The following SLC22A23 variants were observed in gnomAD, a reference collection of about 807,000 sequenced individuals.
SLC22A23 encodes the protein ion transporter protein.
Under a neutral mutation model 61.0 loss-of-function variants are expected in SLC22A23, and 26 were observed. The observed-to-expected ratio is 0.43, with a 90% confidence interval of 0.31 to 0.59. The LOEUF (loss-of-function observed/expected upper bound fraction) is 0.59. SLC22A23 is among the 20% of genes least tolerant of loss of function. The pLI, the probability that SLC22A23 is intolerant of heterozygous loss-of-function variation, is 0.11. For missense variants in SLC22A23, 796 were observed against 934.7 expected (o/e 0.85, Z 1.94); for synonymous variants, 430 against 413.9 (o/e 1.04, Z -0.47).
At chr6:3,361,557 C>T (rs780759083) in intron 3 of SLC22A23, among the ~76,000 whole-genome samples, 2 of 152,188 alleles carry the variant, frequency 1.3e-5, no homozygotes, top group African/African-American at 4.8e-5. Context: ...CTCTGGGGTT[C>T]GACTCTCCAG....
chr6:3,312,888 C>A (rs1318231453), intron 4 of SLC22A23: 3 of 152,232 alleles, frequency 2.0e-5, no homozygotes, highest in Non-Finnish European at 4.4e-5. Context: ...CTGCGCTCTG[C>A]CTGTTTGAAA....
chr6:3,343,860 G>A (rs1051032463), intron 3 of SLC22A23, among the ~76,000 whole-genome samples: 3 of 152,204 alleles, frequency 2.0e-5, no homozygotes, highest in Non-Finnish European at 2.9e-5. Flanking sequence ...TGGGAAAGAA[G>A]ACAGAAGGCA....
intron 4 of SLC22A23, 83 bp from the exon 5 acceptor site, chr6:3,298,301 C>T: frequency 6.7e-7 from 1 of 1,484,696 alleles, no homozygotes; most frequent in South Asian, 1.3e-5. Context: ...GGCCCGGGAG[C>T]TTCCCAGGCA....
In SLC22A23 at chr6:3,390,195, T is replaced by A. The variant is rs1767577383; in HGVS notation, c.913+19993A>T. On this transcript the variant is annotated intron_variant, in intron 3 of 9. Transcript: ENST00000406686. The surrounding 1 kb of genome is among the most constrained non-coding windows in gnomAD (Gnocchi z 4.0). The stretch of plus-strand genomic sequence containing the variant: ...CATAACCTCCAGGCCTATGTTAAAC[T>A]TCACATCCAATGACACCGAGGAGGA... 6.6e-6 allele frequency among the ~76,000 whole-genome samples: 1 copy of A among 152,056 alleles called. No individual in the cohort carries two copies. Among genetic ancestry groups the A allele is most frequent in the Non-Finnish European group, 1.5e-5 (1 of 68,006 alleles).
At chr6:3,395,007 C>T (rs997550133) in intron 3 of SLC22A23, among the ~76,000 whole-genome samples, 3 of 152,136 alleles carry the variant, frequency 2.0e-5, no homozygotes, top group Admixed American at 6.5e-5. Flanking sequence ...AGGTATGAGG[C>T]AGGGAGGACG....
At chr6:3,438,416 G>A (rs13208786) in intron 1 of SLC22A23, 64,905 of 430,096 alleles carry the variant, frequency 0.15, 5,403 homozygotes, top group Non-Finnish European at 0.18. Flanking sequence ...GATCCATCAG[G>A]CTTGCTGCCT....
chr6:3,438,523 C>T (rs756700417), intron 1 of SLC22A23: 34 of 456,586 alleles, frequency 7.4e-5, no homozygotes, highest in African/African-American at 4.6e-4. Flanking sequence ...CTGTGTCCCA[C>T]GGGAGAGCTC....
rs1212740790 is a variant in SLC22A23 at position 3,454,220 on chromosome 6, C to T, written c.654+1686G>A. On this transcript the variant is annotated intron_variant, in intron 1 of 9. Coordinates refer to ENST00000406686, the MANE Select transcript of SLC22A23 (RefSeq NM_015482.2). This position sits in a 1 kb window ranked among gnomAD's most constrained non-coding sequence, Gnocchi z 4.3. ...ACATGAGGGCTGTCTGTGACCCTCT[C>T]GAATGCTAATTTAGAAAAACTGCCC... 6.6e-6 allele frequency among the ~76,000 whole-genome samples: 1 copy of T among 152,168 alleles called. No homozygotes were observed. The highest frequency in any genetic ancestry group is 1.5e-5 in the Non-Finnish European group (1 of 68,032).
intron 5 of SLC22A23, 60 bp downstream of exon 5, chr6:3,298,031 G>T: frequency 6.9e-7 from 1 of 1,439,016 alleles, no homozygotes. Context: ...AACCAGCCCA[G>T]GTGTCAGGGA....
intron 3 of SLC22A23, among the ~76,000 whole-genome samples, chr6:3,332,314 C>T (rs1160897600): frequency 6.6e-6 from 1 of 152,056 alleles, no homozygotes. Flanking sequence ...GAATAGATCT[C>T]AATACCAGTT....
chr6:3,410,291 A>C lies in SLC22A23; in HGVS notation c.810T>G (p.Phe270Leu). The C allele has an allele frequency of 6.2e-7, 1 of 1,613,904 alleles. No homozygotes were observed. Among genetic ancestry groups the C allele is most frequent in the Non-Finnish European group, 8.5e-7 (1 of 1,179,924 alleles). The change falls in exon 3 of 10, where the codon TTT becomes TTG. Residue 270 changes from phenylalanine to leucine, a missense_variant. Coordinates refer to ENST00000406686, the MANE Select transcript of SLC22A23 (RefSeq NM_015482.2). The surrounding 1 kb of genome is among the most constrained non-coding windows in gnomAD (Gnocchi z 5.0). ...TCACTGACAGTGCCACAGTCAGTCC[A>C]AAGATCAGAATGAAGATGATGGAAA... ...LLFSIIFILI[F>L]GLTVALSVNV...
At chr6:3,396,715 G>A (rs924825551) in intron 3 of SLC22A23, among the ~76,000 whole-genome samples, 3 of 152,344 alleles carry the variant, frequency 2.0e-5, no homozygotes, top group South Asian at 2.1e-4. Flanking sequence ...GCAGGCCATC[G>A]ACCAGCAGAA....
intron 1 of SLC22A23, among the ~76,000 whole-genome samples, chr6:3,449,731 C>T (rs1772079095): frequency 6.6e-6 from 1 of 152,138 alleles, no homozygotes; most frequent in East Asian, 1.9e-4. Context: ...TTGTGCATAG[C>T]TAAGATTTCT....
intron 1 of SLC22A23, chr6:3,439,190 C>G (rs1308258398): frequency 8.4e-6 from 3 of 356,496 alleles, no homozygotes; most frequent in Non-Finnish European, 1.1e-5. Context: ...CCTGCCTCTA[C>G]CCACCAGGCG....
intron 9 of SLC22A23, chr6:3,283,444 G>A (rs748641061): frequency 2.2e-5 from 6 of 269,682 alleles, no homozygotes; most frequent in Non-Finnish European, 4.5e-5. Flanking sequence ...GGGAGGGCCG[G>A]GGGGTAGGCT....
intron 1 of SLC22A23, among the ~76,000 whole-genome samples, chr6:3,446,017 TAAG>T (rs1478712914): frequency 6.6e-6 from 1 of 152,162 alleles, no homozygotes; most frequent in African/African-American, 2.4e-5. Context: ...TAGCCGGGAC[TAAG>T]AAGACAGAGA....
intron 1 of SLC22A23, among the ~76,000 whole-genome samples, chr6:3,448,836 A>G (rs116265223): frequency 0.014 from 2,067 of 152,294 alleles, 19 homozygotes; most frequent in African/African-American, 0.019. Context: ...ACTCAATCCT[A>G]TCTTGGACTA....
intron 3 of SLC22A23, among the ~76,000 whole-genome samples, chr6:3,357,885 G>A (rs760328034): frequency 6.6e-6 from 1 of 152,176 alleles, no homozygotes; most frequent in Non-Finnish European, 1.5e-5. Flanking sequence ...AAAGGGACGA[G>A]GCCTGGGGAA....
At chr6:3,285,848 C>T (rs1372346326) in intron 7 of SLC22A23, among the ~76,000 whole-genome samples, 24 of 152,260 alleles carry the variant, frequency 1.6e-4, no homozygotes, top group Non-Finnish European at 1.0e-4. Context: ...TCTGAGAGCC[C>T]GGGTTCATTT....
Sources: gnomAD v4.1 joint callset for allele counts (sites outside exome capture counted in the v4.1 genomes callset) on GRCh38, gnomAD v4.1.1 for gene constraint, Gnocchi (gnomAD v3.1) non-coding constraint, MANE v1.5 for transcripts, NCBI Gene and HGNC (gene_info 2026-07-23, HGNC 2026-07-21) for gene names.